Variants in MAP3K14 observed in about 807,000 individuals in gnomAD.
MAP3K14 encodes mitogen-activated protein kinase kinase kinase 14, also known as NF-kappa-beta-inducing kinase.
MAP3K14 carries 16 observed loss-of-function variants against 99.2 expected under a neutral mutation model. The observed-to-expected ratio is 0.16, with a 90% CI of 0.11 to 0.24. The LOEUF is 0.24. Among genes scored for constraint, MAP3K14 ranks in the 10% least tolerant of loss-of-function variants. The pLI, the probability that MAP3K14 is intolerant of heterozygous loss-of-function variation, is 1.00. For missense variants in MAP3K14, 784 were observed against 1,208.7 expected (o/e 0.65, Z 5.21); for synonymous variants, 462 against 492.4 (o/e 0.94, Z 0.82).
chr17:45,314,619 GA>G (rs1018236244), intron 1 of MAP3K14, among the ~76,000 whole-genome samples: 215 of 139,538 alleles, frequency 1.5e-3, no homozygotes, highest in Non-Finnish European at 2.0e-3. Flanking sequence ...CTTTTGCCAG[GA>G]AAAAAAAAAA....
chr17:45,266,695 A>G lies in MAP3K14; in HGVS notation c.2434-14T>C, dbSNP rs370090288. The G allele has an allele frequency of 5.5e-4, 883 of 1,602,558 alleles. 2 individuals are homozygous for G. Among genetic ancestry groups the G allele is most frequent in the Non-Finnish European group, 6.6e-4 (772 of 1,171,596 alleles). On this transcript the variant is annotated splice_polypyrimidine_tract_variant and intron_variant, in intron 13 of 15. Coordinates refer to ENST00000344686, the MANE Select transcript of MAP3K14 (RefSeq NM_003954.5). ...CTTTGATGGGTTCTGAAACAACAGG[A>G]TTGGGTACGGGCTCAGGGCCCTGGG...
chr17:45,273,445 G>T, intron 9 of MAP3K14, 58 bp downstream of exon 9: 2 of 1,319,494 alleles, frequency 1.5e-6, no homozygotes, highest in East Asian at 4.9e-5. Context: ...TGGAAAGCAT[G>T]GAAGGCATTT....
chr17:45,291,491 T>G (rs1408344060), intron 1 of MAP3K14, among the ~76,000 whole-genome samples: 1 of 151,804 alleles, frequency 6.6e-6, no homozygotes, highest in East Asian at 1.9e-4. Context: ...ACATCAGGAG[T>G]AGAATTTATA....
intron 6 of MAP3K14, among the ~76,000 whole-genome samples, chr17:45,277,623 T>C (rs1429385990): frequency 6.6e-6 from 1 of 152,130 alleles, no homozygotes; most frequent in Non-Finnish European, 1.5e-5. Context: ...TGTTAGCAAA[T>C]GTCTTCAGCC....
At position 45,290,484 on chromosome 17, in the gene MAP3K14, C is replaced by T; in HGVS notation, c.256+6G>A. The T allele has an allele frequency of 1.2e-6, 2 of 1,613,850 alleles. No homozygotes were observed. The highest frequency in any genetic ancestry group is 2.2e-5 in the East Asian group (1 of 44,854). On this transcript the variant is annotated splice_donor_region_variant and intron_variant, in intron 2 of 15. Transcript: ENST00000344686. ...CCCCGTGCCCACAACAACCCTAGGCCCCTACACTCAGCCTGGGCGATGATA... is the reference window on the plus strand; with the variant it reads ...CCCCGTGCCCACAACAACCCTAGGCTCCTACACTCAGCCTGGGCGATGATA...
At chr17:45,303,917 T>C (rs1054078605) in intron 1 of MAP3K14, among the ~76,000 whole-genome samples, 5 of 151,848 alleles carry the variant, frequency 3.3e-5, no homozygotes, top group Non-Finnish European at 5.9e-5. Flanking sequence ...ACATGGATTA[T>C]ACACATGTAA....
In MAP3K14 at chr17:45,273,610, G is replaced by T; in HGVS notation, c.1553-3C>A. 4 of 1,609,198 alleles carry T rather than the reference G, an allele frequency of 2.5e-6. No individual in the cohort carries two copies. Among genetic ancestry groups the T allele is most frequent in the Non-Finnish European group, 3.4e-6 (4 of 1,177,410 alleles). On this transcript the variant is annotated splice_polypyrimidine_tract_variant and splice_region_variant and intron_variant, in intron 8 of 15. Coordinates refer to ENST00000344686, the MANE Select transcript of MAP3K14 (RefSeq NM_003954.5). Reference sequence around the variant, plus strand: ...GCTGGACAGGAGCACGTTGTCAGCTGCCAGGCCGCCCCGGGGAGGAAGAGG... The same window carrying T: ...GCTGGACAGGAGCACGTTGTCAGCTTCCAGGCCGCCCCGGGGAGGAAGAGG...
intron 1 of MAP3K14, among the ~76,000 whole-genome samples, chr17:45,306,118 G>A (rs4792847): frequency 0.53 from 80,460 of 151,972 alleles, 21,990 homozygotes; most frequent in East Asian, 0.87. Flanking sequence ...TAGGTAATGC[G>A]TGCATTTTTT....
At chr17:45,300,292 T>C (rs376576542) in intron 1 of MAP3K14, among the ~76,000 whole-genome samples, 35 of 152,310 alleles carry the variant, frequency 2.3e-4, no homozygotes, top group African/African-American at 8.2e-4. Context: ...TCTATTGGCA[T>C]TGGTCTTACC....
intron 6 of MAP3K14, among the ~76,000 whole-genome samples, chr17:45,278,688 T>TTTG (rs1567991617): frequency 1.3e-5 from 2 of 151,912 alleles, no homozygotes; most frequent in African/African-American, 4.8e-5. Flanking sequence ...ACTTTTTTTT[T>TTTG]TTTTTTTTGA....
At position 45,267,440 on chromosome 17, in the gene MAP3K14, G is replaced by T; in HGVS notation, c.2292C>A (p.Thr764=). The T allele has an allele frequency of 6.2e-7, 1 of 1,606,204 alleles. No homozygotes were observed. Among genetic ancestry groups the T allele is most frequent in the South Asian group, 1.1e-5 (1 of 89,820 alleles). ...RNPSSPERKA[T]VPEQELQQLE... is the part of the protein sequence containing the mutation. ...GCTGCTGCAGTTCCTGCTCCGGGAC[G>T]GTTGCTTTCCGCTCTGGTGAGCTGG... Residue 764 remains threonine, a synonymous_variant, in exon 12 of 16, where the codon ACC becomes ACA. Coordinates refer to ENST00000344686, the MANE Select transcript of MAP3K14 (RefSeq NM_003954.5). This position sits in a 1 kb window ranked among gnomAD's most constrained non-coding sequence, Gnocchi z 5.1.
chr17:45,277,229 T>A (rs1302395600), intron 6 of MAP3K14, among the ~76,000 whole-genome samples: 1 of 152,216 alleles, frequency 6.6e-6, no homozygotes. Context: ...TGTATACATG[T>A]GCCATGTTGG....
Position 45,267,279 on chromosome 17 carries a change from G to T in MAP3K14, c.2327-81C>A. On this transcript the variant is annotated intron_variant, in intron 12 of 15. Coordinates refer to ENST00000344686, the MANE Select transcript of MAP3K14 (RefSeq NM_003954.5). The surrounding 1 kb of genome is among the most constrained non-coding windows in gnomAD (Gnocchi z 5.1). ...TTCAGGGGTTCTTCCTGCACAGTCG[G>T]TAGAAGCTGAGCTGCTGGGGAAGGG... The T allele has an allele frequency of 7.2e-7, 1 of 1,381,358 alleles. No homozygotes were observed. Among genetic ancestry groups the T allele is most frequent in the Non-Finnish European group, 1.0e-6 (1 of 992,102 alleles). The allele number at this position is 1,381,358 out of a possible 1,614,324, so 85.6% of individuals were successfully genotyped here. A position where few individuals can be genotyped will look rare whatever the true frequency, so the allele number is the denominator to read the frequency against.
chr17:45,268,687 T>C (rs1385427457), intron 11 of MAP3K14: 1 of 152,280 alleles, frequency 6.6e-6, no homozygotes, highest in African/African-American at 2.4e-5. Context: ...CTTTAACTGC[T>C]TGGTGCTCCA....
chr17:45,276,153 AAGG>A, intron 6 of MAP3K14, among the ~76,000 whole-genome samples: 1 of 152,264 alleles, frequency 6.6e-6, no homozygotes, highest in African/African-American at 2.4e-5. Context: ...CTGGGAACTT[AAGG>A]AGGCTTCTGA....
intron 1 of MAP3K14, among the ~76,000 whole-genome samples, chr17:45,315,733 G>T (rs1246490512): frequency 6.6e-6 from 1 of 152,086 alleles, no homozygotes; most frequent in African/African-American, 2.4e-5. Flanking sequence ...CCAGCTATGA[G>T]GCATCAGGCA....
chr17:45,301,179 A>C (rs2044385251), intron 1 of MAP3K14, among the ~76,000 whole-genome samples: 1 of 151,286 alleles, frequency 6.6e-6, no homozygotes. Context: ...AAAAAAAAAA[A>C]AAAGCCGGGT....
intron 6 of MAP3K14, among the ~76,000 whole-genome samples, chr17:45,280,437 G>C (rs113772413): frequency 0.026 from 3,860 of 150,348 alleles, 155 homozygotes; most frequent in East Asian, 0.17. Flanking sequence ...CTGAGTAGCT[G>C]AGATTACAGG....
rs998602340 is a variant in MAP3K14 at position 45,273,999 on chromosome 17, G to A, written c.1552+124C>T. ...TTCCCCTTCCTACAGGCACAGTCCT[G>A]TCAGCCTGACTCAGGGCCTGCTACT... On this transcript the variant is annotated intron_variant, in intron 8 of 15. Coordinates refer to ENST00000344686, the MANE Select transcript of MAP3K14 (RefSeq NM_003954.5). 1.5e-5 allele frequency: 17 copies of A among 1,161,448 alleles called. No individual in the cohort carries two copies. In the African/African-American group the frequency reaches 2.6e-4, roughly 18 times the overall value. 71.9% of individuals were successfully genotyped at this position (1,161,448 alleles called of 1,614,324 possible).
Sources: gnomAD v4.1 joint callset for allele counts (sites outside exome capture counted in the v4.1 genomes callset) on GRCh38, gnomAD v4.1.1 for gene constraint, Gnocchi (gnomAD v3.1) non-coding constraint, MANE v1.5 for transcripts, NCBI Gene and HGNC (gene_info 2026-07-23, HGNC 2026-07-21) for gene names.